The following BTNL9 variants were observed in gnomAD, a reference collection of about 807,000 sequenced individuals.
BTNL9 encodes butyrophilin-like protein 9.
Under a neutral mutation model 45.8 loss-of-function variants are expected in BTNL9, and 45 were observed. That is an observed-to-expected ratio of 0.98 (90% CI 0.77 to 1.26). The LOEUF (loss-of-function observed/expected upper bound fraction) is 1.26, where lower values mean the gene tolerates loss of function less well. BTNL9 is among the 50% of genes most tolerant of loss of function. BTNL9 has a pLI of 0.00. For missense variants in BTNL9, 784 were observed against 729.7 expected (o/e 1.07, Z -0.86); for synonymous variants, 346 against 330.8 (o/e 1.05, Z -0.50).
rs1371942219 is a variant in BTNL9 at position 181,055,382 on chromosome 5, T to A, written c.908-51T>A. The A allele has an allele frequency of 3.7e-6, 6 of 1,613,942 alleles. No individual in the cohort carries two copies. Among genetic ancestry groups the A allele is most frequent in the Admixed American group, 3.3e-5 (2 of 60,000 alleles). On this transcript the variant is annotated intron_variant, in intron 7 of 10. Transcript: ENST00000327705. This position sits in a 1 kb window ranked among gnomAD's most constrained non-coding sequence, Gnocchi z 4.4. ...TTCCCAGTGGCCTGTCTTGGGAAGA[T>A]GGTTCCACCCACCTGCAGGCTGAAG...
intron 1 of BTNL9, among the ~76,000 whole-genome samples, chr5:181,041,648 A>T (rs920707400): frequency 5.9e-5 from 9 of 152,236 alleles, no homozygotes; most frequent in Non-Finnish European, 1.3e-4. Flanking sequence ...AAAAACAAAC[A>T]GTCCTAAGTG....
At chr5:181,054,016 G>T in intron 6 of BTNL9, 1 of 1,539,942 alleles carries the variant, frequency 6.5e-7, no homozygotes, top group Non-Finnish European at 8.7e-7. Flanking sequence ...GAGGGAGGGC[G>T]CTGGGTCACC....
At position 181,053,621 on chromosome 5, in the gene BTNL9, G is replaced by A. The variant is rs114914112; in HGVS notation, c.886+120G>A. On this transcript the variant is annotated intron_variant, in intron 6 of 10. Transcript: ENST00000327705. The surrounding 1 kb of genome is among the most constrained non-coding windows in gnomAD (Gnocchi z 6.5). ...AGCGCGAGGTGTCAGGGCGGCCACC[G>A]GGGAACGGGGATCGGTGACCCCGGT... 9.3e-4 allele frequency: 1,442 copies of A among 1,545,402 alleles called. 12 individuals are homozygous for A. In the African/African-American group the frequency reaches 0.017, roughly 18 times the overall value.
intron 1 of BTNL9, among the ~76,000 whole-genome samples, chr5:181,043,773 C>A (rs752771607): frequency 2.0e-5 from 3 of 152,334 alleles, no homozygotes; most frequent in Non-Finnish European, 4.4e-5. Flanking sequence ...TGAGAAGGTG[C>A]ACAACCAGTG....
At chr5:181,054,146 G>A in intron 6 of BTNL9, 93 bp from the exon 7 acceptor site, 2 of 1,584,862 alleles carry the variant, frequency 1.3e-6, no homozygotes, top group Non-Finnish European at 1.7e-6. Context: ...CGGAGGTGAG[G>A]CCTCAGTGTT....
In BTNL9 at chr5:181,059,247, G is replaced by A. The variant is rs6601166; in HGVS notation, c.993G>A (p.Thr331=). ...RAAQKYAVDV[T]LDPASAHPSL... ...TGTGGCTCTGCGCAGTGGATGTGAC[G>A]CTGGACCCGGCCTCGGCGCACCCCA... is the stretch of plus-strand genomic sequence containing the variant. The change falls in exon 11 of 11, where the codon ACG becomes ACA. Residue 331 remains threonine (T), a synonymous_variant. Transcript: ENST00000327705. 6.4e-7 allele frequency: 1 copy of A among 1,558,602 alleles called. No individual in the cohort carries two copies. Among genetic ancestry groups the A allele is most frequent in the Non-Finnish European group, 8.6e-7 (1 of 1,161,766 alleles).
intron 4 of BTNL9, among the ~76,000 whole-genome samples, chr5:181,051,010 CG>C (rs1054052503): frequency 6.9e-6 from 1 of 144,542 alleles, no homozygotes; most frequent in African/African-American, 2.6e-5. Flanking sequence ...TCGCTTGAAC[CG>C]GGGGGCAGAG....
chr5:181,045,974 A>AG (rs2113165286), intron 2 of BTNL9, among the ~76,000 whole-genome samples: 1 of 40,294 alleles, frequency 2.5e-5, no homozygotes, highest in African/African-American at 9.5e-5. Context: ...CCATCTCCCC[A>AG]GCCTCCAACA....
At chr5:181,047,151 G>T (rs1292351934) in intron 2 of BTNL9, among the ~76,000 whole-genome samples, 1 of 152,124 alleles carries the variant, frequency 6.6e-6, no homozygotes, top group Non-Finnish European at 1.5e-5. Flanking sequence ...AAGAGTGAGT[G>T]CCTGTGGGGT....
At position 181,055,878 on chromosome 5, in the gene BTNL9, C is replaced by T; in HGVS notation, c.929-111C>T. On this transcript the variant is annotated intron_variant, in intron 8 of 10. Coordinates refer to ENST00000327705, the MANE Select transcript of BTNL9 (RefSeq NM_152547.5). This position sits in a 1 kb window ranked among gnomAD's most constrained non-coding sequence, Gnocchi z 4.4. ...GATGCCCAGGCAGGACCCCTGCTGG[C>T]TATGTGGGTGGTGGGGGGTGCGGGA... 1 of 1,264,334 alleles carries T rather than the reference C, an allele frequency of 7.9e-7. No homozygotes were observed. The highest frequency in any genetic ancestry group is 1.5e-5 in the African/African-American group (1 of 67,968). The allele number at this position is 1,264,334 out of a possible 1,614,324, so 78.3% of individuals were successfully genotyped here. A position where few individuals can be genotyped will look rare whatever the true frequency, so the allele number is the denominator to read the frequency against.
chr5:181,055,477 T>G lies in BTNL9; in HGVS notation c.928+24T>G. On this transcript the variant is annotated intron_variant, in intron 8 of 10. Transcript: ENST00000327705. The surrounding 1 kb of genome is among the most constrained non-coding windows in gnomAD (Gnocchi z 4.4). The stretch of plus-strand genomic sequence containing the variant: ...TGGTAAGTGACCCCTCTTAGAACTA[T>G]TTCTCCTCAGGGCCGGGTCCAGTGG... 6.2e-7 allele frequency: 1 copy of G among 1,613,990 alleles called. No homozygotes were observed. Among genetic ancestry groups the G allele is most frequent in the Non-Finnish European group, 8.5e-7 (1 of 1,179,928 alleles).
rs144373630 is a variant in BTNL9 at position 181,050,286 on chromosome 5, G to C, written c.653G>C (p.Arg218Pro). 6.2e-7 allele frequency: 1 copy of C among 1,614,104 alleles called. No homozygotes were observed. Among genetic ancestry groups the C allele is most frequent in the Admixed American group, 1.7e-5 (1 of 60,020 alleles). ...LFSLETSVVV[R>P]AGALSNVSVS... ...AGTCTGGAAACATCTGTGGTTGTCC[G>C]AGCGGGAGCCCTCAGCAATGTGTCC... Residue 218 changes from arginine to proline, a missense_variant, in exon 4 of 11, where the codon CGA becomes CCA. Transcript: ENST00000327705. This position sits in a 1 kb window ranked among gnomAD's most constrained non-coding sequence, Gnocchi z 4.9.
intron 10 of BTNL9, 147 bp downstream of exon 10, chr5:181,058,525 AAC>A (rs755415546): frequency 2.9e-4 from 308 of 1,060,422 alleles, no homozygotes; most frequent in Non-Finnish European, 3.9e-4. Context: ...CACACTTGCA[AAC>A]ACGCCACACG....
Position 181,042,229 on chromosome 5 carries a change from C to T in BTNL9, c.-24+1797C>T, listed in dbSNP as rs1302573833. Among the ~76,000 whole-genome samples, 1 of 152,230 alleles carries T rather than the reference C, an allele frequency of 6.6e-6. No individual in the cohort carries two copies. The highest frequency in any genetic ancestry group is 1.5e-5 in the Non-Finnish European group (1 of 68,046). On this transcript the variant is annotated intron_variant, in intron 1 of 10. Coordinates refer to ENST00000327705, the MANE Select transcript of BTNL9 (RefSeq NM_152547.5). The surrounding 1 kb of genome is among the most constrained non-coding windows in gnomAD (Gnocchi z 4.5). ...CTTCCGGAGGGAGCAGCCCAAGGCT[C>T]CTGGGAGGACAAGCAGCACGTGCCC... is the stretch of plus-strand genomic sequence containing the variant.
At chr5:181,046,014 A>C (rs1326549587) in intron 2 of BTNL9, among the ~76,000 whole-genome samples, 1 of 91,934 alleles carries the variant, frequency 1.1e-5, no homozygotes, top group African/African-American at 4.3e-5. Context: ...AGCCCCCAAC[A>C]CCTCCTCCAC....
At chr5:181,049,932 G>A (rs554903802) in intron 3 of BTNL9, among the ~76,000 whole-genome samples, 156 bp from the exon 4 acceptor site, 52 of 152,328 alleles carry the variant, frequency 3.4e-4, no homozygotes, top group South Asian at 1.7e-3. Context: ...GTCATTTCCC[G>A]TCCATGGGCG....
In BTNL9 at chr5:181,053,905, C is replaced by G; in HGVS notation, c.887-334C>G. Reference sequence around the variant, plus strand: ...AGGGTCAGGAAGCGGCGGTCAGGCACCGAGAAAACAGCCCAGTTACGTGAG... The same window carrying G: ...AGGGTCAGGAAGCGGCGGTCAGGCAGCGAGAAAACAGCCCAGTTACGTGAG... On this transcript the variant is annotated intron_variant, in intron 6 of 10. Transcript: ENST00000327705. The surrounding 1 kb of genome is among the most constrained non-coding windows in gnomAD (Gnocchi z 6.5). The G allele has an allele frequency of 6.6e-7, 1 of 1,508,820 alleles. No homozygotes were observed. Among genetic ancestry groups the G allele is most frequent in the African/African-American group, 1.4e-5 (1 of 72,650 alleles). The allele number at this position is 1,508,820 out of a possible 1,614,324, so 93.5% of individuals were successfully genotyped here.
At chr5:181,047,853 C>G in intron 2 of BTNL9, 74 bp from the exon 3 acceptor site, 2 of 1,270,000 alleles carry the variant, frequency 1.6e-6, no homozygotes, top group South Asian at 2.8e-5. Context: ...GATTCCTCAG[C>G]TATAAAGGGG....
In BTNL9 at chr5:181,045,562, C is replaced by A. The variant is rs900093347; in HGVS notation, c.73C>A (p.His25Asn). The A allele has an allele frequency of 6.2e-7, 1 of 1,612,642 alleles. No homozygotes were observed. The highest frequency in any genetic ancestry group is 8.5e-7 in the Non-Finnish European group (1 of 1,179,388). The change falls in exon 2 of 11, where the codon CAC (histidine) becomes AAC (asparagine). Residue 25 changes from histidine to asparagine, a missense_variant. Physicochemically the swap from His to Asn is moderately conservative, Grantham distance 68. Transcript: ENST00000327705. ...GACCAGCAGTCTTGTCTTCCTCATG[C>A]ACCTCCTCCTCCTTCAGCCTGGGGA... ...SLTSSLVFLM[H>N]LLLLQPGEPS... is the part of the protein sequence containing the mutation.
Sources: gnomAD v4.1 joint callset for allele counts (sites outside exome capture counted in the v4.1 genomes callset) on GRCh38, gnomAD v4.1.1 for gene constraint, Gnocchi (gnomAD v3.1) non-coding constraint, MANE v1.5 for transcripts, NCBI Gene and HGNC (gene_info 2026-07-23, HGNC 2026-07-21) for gene names.